CFDP1: variants seen among roughly 807,000 people sequenced by gnomAD.
CFDP1 encodes heterochromatin-stabilizing protein CFDP1.
A neutral mutation model predicts 40.1 loss-of-function variants in CFDP1; 31 were observed. The ratio of observed to expected loss-of-function variants is 0.77; its 90% CI spans 0.58 to 1.04. The LOEUF is 1.04. Among genes scored for constraint, CFDP1 ranks in the 50% least tolerant of loss-of-function variants. CFDP1 has a pLI of 0.00. For synonymous variants in CFDP1, 167 were observed against 120.0 expected (o/e 1.39, Z -2.56); for missense variants, 423 against 343.4 (o/e 1.23, Z -1.83).
chr16:75,428,443 G>A (rs966861578), intron 1 of CFDP1, among the ~76,000 whole-genome samples: 2 of 151,922 alleles, frequency 1.3e-5, no homozygotes, highest in South Asian at 2.1e-4. Context: ...GTGAAGCCCC[G>A]TCTCTATTAA....
chr16:75,398,925 C>T (rs992997489), intron 4 of CFDP1, among the ~76,000 whole-genome samples: 1 of 151,960 alleles, frequency 6.6e-6, no homozygotes, highest in South Asian at 2.1e-4. Flanking sequence ...GGCATGGTGG[C>T]GGGCGCCTGT....
intron 6 of CFDP1, among the ~76,000 whole-genome samples, chr16:75,304,290 A>C (rs1397611212): frequency 2.0e-5 from 3 of 152,146 alleles, no homozygotes; most frequent in African/African-American, 7.2e-5. Context: ...CTGGTCTCGA[A>C]ATCCTGACCT....
chr16:75,373,843 A>T (rs967563141), intron 5 of CFDP1, among the ~76,000 whole-genome samples: 3 of 152,184 alleles, frequency 2.0e-5, no homozygotes, highest in Non-Finnish European at 2.9e-5. Flanking sequence ...TGAGAAAAAA[A>T]TTCTGGTAGG....
intron 5 of CFDP1, among the ~76,000 whole-genome samples, chr16:75,318,458 T>C (rs1216556538): frequency 2.0e-5 from 3 of 148,944 alleles, no homozygotes; most frequent in Non-Finnish European, 4.4e-5. Flanking sequence ...CAGGCTGGAG[T>C]GCAGTGGCAC....
At chr16:75,394,231 T>G (rs753818517) in intron 5 of CFDP1, among the ~76,000 whole-genome samples, 1 of 152,246 alleles carries the variant, frequency 6.6e-6, no homozygotes, top group Non-Finnish European at 1.5e-5. Context: ...TATGGGTCTA[T>G]GTTCACTTCC....
chr16:75,413,214 A>G (rs1025000248), intron 2 of CFDP1, among the ~76,000 whole-genome samples: 1 of 152,210 alleles, frequency 6.6e-6, no homozygotes, highest in African/African-American at 2.4e-5. Flanking sequence ...TTCTCAAGGA[A>G]AAAGAAAAAA....
intron 5 of CFDP1, among the ~76,000 whole-genome samples, chr16:75,327,655 G>A (rs1206661897): frequency 6.6e-6 from 1 of 152,018 alleles, no homozygotes; most frequent in East Asian, 1.9e-4. Flanking sequence ...ACATGAAAGG[G>A]AAAATAAAAA....
rs1402006950 is a variant in CFDP1 at position 75,341,162 on chromosome 16, T to G, written c.651-35980A>C. On this transcript the variant is annotated intron_variant, in intron 5 of 6. Transcript: ENST00000283882. ...CCTAATGATGCTATGTGCATCTCAT[T>G]GGGTCTTCCTGACAAGGCACCAGTT... 2.0e-5 allele frequency among the ~76,000 whole-genome samples: 3 copies of G among 152,330 alleles called. No individual in the cohort carries two copies. In the East Asian group the frequency reaches 5.8e-4, roughly 29 times the overall value.
intron 4 of CFDP1, among the ~76,000 whole-genome samples, chr16:75,407,792 C>T (rs996035425): frequency 6.6e-6 from 1 of 151,430 alleles, no homozygotes; most frequent in Non-Finnish European, 1.5e-5. Context: ...TATAATGAAG[C>T]ATTTAATACA....
intron 5 of CFDP1, among the ~76,000 whole-genome samples, chr16:75,394,236 A>C (rs2078977837): frequency 6.6e-6 from 1 of 152,198 alleles, no homozygotes; most frequent in Non-Finnish European, 1.5e-5. Flanking sequence ...GTCTATGTTC[A>C]CTTCCCTGTG....
chr16:75,373,173 T>C (rs1466639502), intron 5 of CFDP1, among the ~76,000 whole-genome samples: 3 of 152,380 alleles, frequency 2.0e-5, no homozygotes, highest in East Asian at 1.9e-4. Context: ...TCCAGTTACA[T>C]GTGCTAAGTG....
At chr16:75,344,862 G>A (rs2078551234) in intron 5 of CFDP1, among the ~76,000 whole-genome samples, 1 of 152,166 alleles carries the variant, frequency 6.6e-6, no homozygotes, top group African/African-American at 2.4e-5. Flanking sequence ...AACCCAGGAA[G>A]CAGAGGTTGC....
intron 1 of CFDP1, among the ~76,000 whole-genome samples, chr16:75,425,697 C>T (rs1160571353): frequency 3.3e-5 from 5 of 150,272 alleles, no homozygotes; most frequent in African/African-American, 9.7e-5. Flanking sequence ...ATATCTTATG[C>T]AAAAATTAAC....
At chr16:75,331,075 G>C (rs1169331627) in intron 5 of CFDP1, among the ~76,000 whole-genome samples, 2 of 151,988 alleles carry the variant, frequency 1.3e-5, no homozygotes, top group African/African-American at 4.8e-5. Flanking sequence ...CTGCCACAAG[G>C]CTCTGCTTGC....
intron 5 of CFDP1, among the ~76,000 whole-genome samples, chr16:75,307,329 T>A (rs1486347231): frequency 6.6e-6 from 1 of 151,944 alleles, no homozygotes; most frequent in Non-Finnish European, 1.5e-5. Flanking sequence ...GATTCTCCTG[T>A]CTCAGCCTCC....
chr16:75,370,763 G>A (rs2078745869), intron 5 of CFDP1, among the ~76,000 whole-genome samples: 1 of 152,124 alleles, frequency 6.6e-6, no homozygotes, highest in East Asian at 1.9e-4. Flanking sequence ...TTGGGAAGCT[G>A]AGGCACAAGA....
chr16:75,298,771 T>G (rs945657471), intron 6 of CFDP1, among the ~76,000 whole-genome samples: 1 of 152,176 alleles, frequency 6.6e-6, no homozygotes, highest in African/African-American at 2.4e-5. Flanking sequence ...TCTAATTAAG[T>G]TTCTTCTCCA....
At chr16:75,350,733 G>GA (rs2078604939) in intron 5 of CFDP1, among the ~76,000 whole-genome samples, 1 of 151,982 alleles carries the variant, frequency 6.6e-6, no homozygotes, top group African/African-American at 2.4e-5. Context: ...TTCATACAAT[G>GA]AAATACTTTG....
chr16:75,355,026 T>C (rs914954074), intron 5 of CFDP1, among the ~76,000 whole-genome samples: 1 of 152,256 alleles, frequency 6.6e-6, no homozygotes, highest in Non-Finnish European at 1.5e-5. Context: ...ATGTAAGTTA[T>C]GTTTACACCG....
Sources: gnomAD v4.1 joint callset for allele counts (sites outside exome capture counted in the v4.1 genomes callset) on GRCh38, gnomAD v4.1.1 for gene constraint, MANE v1.5 for transcripts, NCBI Gene and HGNC (gene_info 2026-07-23, HGNC 2026-07-21) for gene names.